CNTN5: variants seen among roughly 807,000 people sequenced by gnomAD.
CNTN5 encodes contactin-5.
A neutral mutation model predicts 129.1 loss-of-function variants in CNTN5; 77 were observed. The ratio of observed to expected loss-of-function variants is 0.60; its 90% CI spans 0.50 to 0.72. The LOEUF is 0.72. Among genes scored for constraint, CNTN5 ranks in the 30% least tolerant of loss-of-function variants. CNTN5 has a pLI of 0.00. For synonymous variants in CNTN5, 509 were observed against 465.6 expected, an observed-to-expected ratio of 1.09 and a Z score of -1.20; for missense variants, 1,478 against 1,328.8, an observed-to-expected ratio of 1.11 and a Z score of -1.75.
intron 3 of CNTN5, among the ~76,000 whole-genome samples, chr11:99,764,741 G>A (rs1002905915): frequency 2.0e-5 from 3 of 152,008 alleles, no homozygotes; most frequent in East Asian, 1.9e-4. Context: ...CTCATTTAAC[G>A]TATAATCAAT....
intron 2 of CNTN5, among the ~76,000 whole-genome samples, chr11:99,490,769 G>C (rs1946004382): frequency 6.6e-6 from 1 of 152,156 alleles, no homozygotes; most frequent in Admixed American, 6.5e-5. Flanking sequence ...AAGTGGAACA[G>C]TTTATCCATG....
chr11:99,335,862 A>G (rs1866197993), intron 2 of CNTN5, among the ~76,000 whole-genome samples: 3 of 152,050 alleles, frequency 2.0e-5, no homozygotes, highest in South Asian at 4.2e-4. Context: ...AGATGAGACA[A>G]TGAGTACAGG....
At chr11:99,074,836 A>AAAAGAC (rs1238832001) in intron 1 of CNTN5, among the ~76,000 whole-genome samples, 1 of 152,236 alleles carries the variant, frequency 6.6e-6, no homozygotes, top group African/African-American at 2.4e-5. Context: ...AAGAAAAAGA[A>AAAAGAC]AAACATGCAT....
At chr11:99,322,421 T>C (rs1865611561) in intron 1 of CNTN5, among the ~76,000 whole-genome samples, 1 of 152,142 alleles carries the variant, frequency 6.6e-6, no homozygotes, top group African/African-American at 2.4e-5. Context: ...GGAAAACTTT[T>C]TTAAAAATCT....
chr11:99,090,333 CAGAA>C (rs1377418995), intron 1 of CNTN5, among the ~76,000 whole-genome samples: 1 of 151,994 alleles, frequency 6.6e-6, no homozygotes, highest in Non-Finnish European at 1.5e-5. Flanking sequence ...GCTTATAAAA[CAGAA>C]AGGCAGTAAA....
chr11:99,078,031 T>G (rs1238330496), intron 1 of CNTN5, among the ~76,000 whole-genome samples: 1 of 152,184 alleles, frequency 6.6e-6, no homozygotes, highest in Non-Finnish European at 1.5e-5. Context: ...ATGTTGGAAG[T>G]TTTCATCCTA....
At chr11:100,300,793 C>A (rs973225410) in intron 20 of CNTN5, among the ~76,000 whole-genome samples, 3 of 151,460 alleles carry the variant, frequency 2.0e-5, no homozygotes, top group Non-Finnish European at 4.4e-5. Context: ...GATGAGATAC[C>A]AATTGCACTT....
chr11:99,712,889 G>A (rs558617298), intron 3 of CNTN5, among the ~76,000 whole-genome samples: 6 of 152,198 alleles, frequency 3.9e-5, no homozygotes, highest in African/African-American at 1.2e-4. Flanking sequence ...TAGCCTTGTA[G>A]TATAGTTTGA....
intron 1 of CNTN5, among the ~76,000 whole-genome samples, chr11:99,023,741 T>C (rs1862989424): frequency 6.6e-6 from 1 of 152,230 alleles, no homozygotes; most frequent in South Asian, 2.1e-4. Flanking sequence ...GTATCTTGAT[T>C]ACCTATTGTC....
At chr11:99,985,078 A>C (rs1318412065) in intron 8 of CNTN5, among the ~76,000 whole-genome samples, 1 of 152,020 alleles carries the variant, frequency 6.6e-6, no homozygotes, top group East Asian at 1.9e-4. Flanking sequence ...TCGCTCCACT[A>C]CCCATAGAGT....
chr11:99,883,690 G>A (rs1287691605), intron 6 of CNTN5, among the ~76,000 whole-genome samples: 1 of 152,134 alleles, frequency 6.6e-6, no homozygotes, highest in Admixed American at 6.5e-5. Context: ...TATGAACCTG[G>A]AGTTTATGTA....
intron 7 of CNTN5, among the ~76,000 whole-genome samples, chr11:99,951,460 A>C (rs543774800): frequency 1.4e-4 from 21 of 152,052 alleles, no homozygotes; most frequent in South Asian, 8.3e-4. Flanking sequence ...TTTCTATATG[A>C]TCCATTAAAT....
At chr11:99,964,331 C>T (rs1330819284) in intron 8 of CNTN5, among the ~76,000 whole-genome samples, 1 of 152,150 alleles carries the variant, frequency 6.6e-6, no homozygotes, top group Non-Finnish European at 1.5e-5. Flanking sequence ...AGATACGTCC[C>T]ATCAATACCT....
intron 2 of CNTN5, among the ~76,000 whole-genome samples, chr11:99,378,258 A>G (rs1940310147): frequency 6.6e-6 from 1 of 151,862 alleles, no homozygotes; most frequent in South Asian, 2.1e-4. Flanking sequence ...ACTCATTTCT[A>G]TTTTCGTAAA....
At chr11:100,117,577 T>C (rs923958596) in intron 13 of CNTN5, among the ~76,000 whole-genome samples, 1 of 151,922 alleles carries the variant, frequency 6.6e-6, no homozygotes, top group African/African-American at 2.4e-5. Context: ...TGCCACAGGG[T>C]CACTTCCAAT....
At chr11:99,749,413 A>G (rs1422493240) in intron 3 of CNTN5, among the ~76,000 whole-genome samples, 1 of 152,242 alleles carries the variant, frequency 6.6e-6, no homozygotes, top group Non-Finnish European at 1.5e-5. Flanking sequence ...GTTAGTTACT[A>G]TATGAAAAAC....
At chr11:100,350,600 G>A (rs1952386419) in intron 23 of CNTN5, 102 bp from the exon 24 acceptor site, 1 of 809,572 alleles carries the variant, frequency 1.2e-6, no homozygotes, top group Non-Finnish European at 1.9e-6. Context: ...TGTCTAAACT[G>A]TAAGCTCCTT....
At position 100,102,234 on chromosome 11, in the gene CNTN5, AT is replaced by A. The variant is rs1050370236; in HGVS notation, c.1580+27951del. On this transcript the variant is annotated intron_variant, in intron 13 of 24. Transcript: ENST00000524871. The stretch of plus-strand genomic sequence containing the variant: ...TTTTGCCACACCCACACTAACGTCT[AT>A]TTTTTTTTTTAATTGTGGCTTTTCT... 1.3e-3 allele frequency among the ~76,000 whole-genome samples: 186 copies of A among 142,704 alleles called. 1 individual carries two copies. Among genetic ancestry groups the A allele is most frequent in the East Asian group, 5.8e-3 (28 of 4,794 alleles). 93.6% of individuals were successfully genotyped at this position (142,704 alleles called of 152,430 possible). A position where few individuals can be genotyped will look rare whatever the true frequency, so the allele number is the denominator to read the frequency against.
At chr11:99,549,307 T>G (rs1027526904) in intron 2 of CNTN5, among the ~76,000 whole-genome samples, 1 of 152,160 alleles carries the variant, frequency 6.6e-6, no homozygotes, top group Non-Finnish European at 1.5e-5. Flanking sequence ...CTGAAAATTC[T>G]ATTTTACTCT....
Sources: allele counts gnomAD v4.1 joint callset (sites outside exome capture counted in the v4.1 genomes callset), GRCh38; gene constraint gnomAD v4.1.1; transcripts MANE v1.5; gene names NCBI Gene and HGNC (gene_info 2026-07-23, HGNC 2026-07-21).